Variants in MAGI2 observed in about 807,000 individuals in gnomAD.
MAGI2 encodes the protein membrane associated guanylate kinase, WW and PDZ domain containing 2, also known as membrane-associated guanylate kinase, WW and PDZ domain-containing protein 2.
In MAGI2, 35 loss-of-function variants were observed where a neutral mutation model predicts 133.3. That is an observed-to-expected ratio of 0.26 (90% confidence interval 0.20 to 0.35). The LOEUF is 0.35. Ranked by LOEUF, MAGI2 falls within the 10% of genes least tolerant of loss-of-function variation. MAGI2 has a pLI of 1.00. For synonymous variants in MAGI2, 729 were observed against 710.6 expected (o/e 1.03, Z -0.41); for missense variants, 1,636 against 1,863.4 (o/e 0.88, Z 2.25).
chr7:78,780,298 A>C (rs532890542), intron 2 of MAGI2, among the ~76,000 whole-genome samples: 5 of 152,354 alleles, frequency 3.3e-5, no homozygotes, highest in African/African-American at 1.2e-4. Flanking sequence ...GTCTCTTTCA[A>C]GACAGTGCTA....
intron 1 of MAGI2, among the ~76,000 whole-genome samples, chr7:79,419,698 C>A (rs75820198): frequency 0.017 from 2,534 of 152,066 alleles, 74 homozygotes; most frequent in African/African-American, 0.057. Flanking sequence ...CAACATATTA[C>A]CCTATTCCCA....
intron 2 of MAGI2, among the ~76,000 whole-genome samples, chr7:78,829,250 C>T (rs1790925569): frequency 6.6e-6 from 1 of 151,360 alleles, no homozygotes; most frequent in Non-Finnish European, 1.5e-5. Flanking sequence ...TTTCTGTGAA[C>T]TTCAAATTTA....
chr7:78,650,458 T>C (rs1395944843), intron 2 of MAGI2, among the ~76,000 whole-genome samples: 1 of 151,902 alleles, frequency 6.6e-6, no homozygotes, highest in Non-Finnish European at 1.5e-5. Context: ...TCCATGGGAG[T>C]AAGCAAAGGA....
intron 2 of MAGI2, among the ~76,000 whole-genome samples, chr7:78,959,963 C>T (rs1165652388): frequency 6.6e-6 from 1 of 152,064 alleles, no homozygotes; most frequent in Non-Finnish European, 1.5e-5. Flanking sequence ...CAATATGTAA[C>T]ATGGCCTGCC....
At chr7:78,979,384 G>A (rs1804586254) in intron 2 of MAGI2, among the ~76,000 whole-genome samples, 1 of 151,824 alleles carries the variant, frequency 6.6e-6, no homozygotes, top group Admixed American at 6.6e-5. Flanking sequence ...TTATATCAAA[G>A]TGACACAAAA....
At chr7:78,102,085 A>G (rs1818259268) in intron 20 of MAGI2, among the ~76,000 whole-genome samples, 1 of 152,206 alleles carries the variant, frequency 6.6e-6, no homozygotes, top group Admixed American at 6.5e-5. Context: ...ACACTATGCT[A>G]AGTGAAATAA....
chr7:78,265,170 C>A lies in MAGI2; in HGVS notation c.1409-8589G>T, dbSNP rs186628805. ...TTAGTCCAACGATGTATTTACATTT[C>A]CTTTGTGTTTGGCATTGAGTGGTAA... On this transcript the variant is annotated intron_variant, in intron 9 of 21. Transcript: ENST00000354212. 1.3e-3 allele frequency among the ~76,000 whole-genome samples: 202 copies of A among 152,042 alleles called. 2 individuals carry two copies. Among genetic ancestry groups the A allele is most frequent in the Non-Finnish European group, 2.4e-3 (166 of 67,982 alleles).
At chr7:78,381,422 G>T (rs1474005684) in intron 6 of MAGI2, among the ~76,000 whole-genome samples, 2 of 151,990 alleles carry the variant, frequency 1.3e-5, no homozygotes, top group Non-Finnish European at 2.9e-5. Flanking sequence ...TATGAGGAAA[G>T]GTTTTCTTAC....
At chr7:79,052,665 A>T (rs1812780742) in intron 1 of MAGI2, among the ~76,000 whole-genome samples, 1 of 152,190 alleles carries the variant, frequency 6.6e-6, no homozygotes, top group South Asian at 2.1e-4. Context: ...AACCTAAGGT[A>T]ATTTAAATAA....
chr7:79,259,280 G>T lies in MAGI2; in HGVS notation c.301+193740C>A, dbSNP rs900179234. On this transcript the variant is annotated intron_variant, in intron 1 of 21. Coordinates refer to ENST00000354212, the MANE Select transcript of MAGI2 (RefSeq NM_012301.4). ...GTTTCTGCAATGTTGTAGGAATACA[G>T]TTCTTAACATATATTTTTTCACTGT... is the stretch of plus-strand genomic sequence containing the variant. Among the ~76,000 whole-genome samples the T allele has an allele frequency of 2.6e-5, 4 of 152,136 alleles. No homozygotes were observed. The East Asian group carries it at 7.7e-4, about 29-fold the overall frequency.
intron 6 of MAGI2, among the ~76,000 whole-genome samples, chr7:78,396,753 C>T (rs891123968): frequency 6.6e-6 from 1 of 151,996 alleles, no homozygotes; most frequent in Non-Finnish European, 1.5e-5. Context: ...ATATAAAATG[C>T]TATAAAATGA....
chr7:78,485,144 T>C (rs1792849974), intron 6 of MAGI2: 1 of 152,110 alleles, frequency 6.6e-6, no homozygotes, highest in African/African-American at 2.4e-5. Flanking sequence ...AGAGGAGAAA[T>C]ATGATGGGGC....
intron 3 of MAGI2, among the ~76,000 whole-genome samples, chr7:78,581,121 G>A (rs1802790803): frequency 6.6e-6 from 1 of 152,168 alleles, no homozygotes; most frequent in South Asian, 2.1e-4. Context: ...AAAAAACTCA[G>A]TATTAGCTTA....
At chr7:78,557,926 C>A (rs1799993257) in intron 3 of MAGI2, among the ~76,000 whole-genome samples, 1 of 151,974 alleles carries the variant, frequency 6.6e-6, no homozygotes, top group Non-Finnish European at 1.5e-5. Context: ...ATCCTGGCTA[C>A]TCTAGGTGGC....
intron 9 of MAGI2, among the ~76,000 whole-genome samples, chr7:78,297,516 A>T (rs1174537045): frequency 6.6e-6 from 1 of 150,806 alleles, no homozygotes; most frequent in Non-Finnish European, 1.5e-5. Context: ...GCTGCTATAA[A>T]GACACATGCA....
chr7:78,188,538 G>A (rs1342629069), intron 12 of MAGI2, among the ~76,000 whole-genome samples: 2 of 152,090 alleles, frequency 1.3e-5, no homozygotes, highest in Non-Finnish European at 2.9e-5. Context: ...TTTTTCTAAT[G>A]CTAGAGTCAC....
intron 1 of MAGI2, among the ~76,000 whole-genome samples, chr7:79,446,601 C>G (rs890619983): frequency 2.6e-5 from 4 of 152,032 alleles, no homozygotes; most frequent in Admixed American, 1.3e-4. Context: ...AATATTGAAA[C>G]AAATCTAGCC....
At chr7:78,385,034 G>A (rs996184901) in intron 6 of MAGI2, among the ~76,000 whole-genome samples, 3 of 152,178 alleles carry the variant, frequency 2.0e-5, no homozygotes, top group African/African-American at 7.2e-5. Context: ...GAAACGCATG[G>A]ATCCTGAGAG....
intron 6 of MAGI2, among the ~76,000 whole-genome samples, chr7:78,462,793 G>A (rs940554236): frequency 5.9e-5 from 9 of 152,208 alleles, no homozygotes; most frequent in Admixed American, 5.9e-4. Flanking sequence ...CAGTCAGCAT[G>A]CAGCAACGAG....
Sources: gnomAD v4.1 joint callset for allele counts (sites outside exome capture counted in the v4.1 genomes callset) on GRCh38, gnomAD v4.1.1 for gene constraint, MANE v1.5 for transcripts, NCBI Gene and HGNC (gene_info 2026-07-23, HGNC 2026-07-21) for gene names.